Variants in FADS1 observed in about 807,000 individuals in gnomAD.
FADS1 encodes the protein acyl-CoA (8-3)-desaturase.
A neutral mutation model predicts 61.6 loss-of-function variants in FADS1; 17 were observed. The ratio of observed to expected loss-of-function variants is 0.28; its 90% CI spans 0.19 to 0.41. The LOEUF (loss-of-function observed/expected upper bound fraction) is 0.41, where lower values mean the gene tolerates loss of function less well. Ranked by LOEUF, FADS1 falls within the 10% of genes least tolerant of loss-of-function variation. The pLI is 1.00. For missense variants in FADS1, 387 were observed against 650.9 expected (o/e 0.59, Z 4.41); for synonymous variants, 238 against 258.7 (o/e 0.92, Z 0.77).
Position 61,803,039 on chromosome 11 carries a change from C to T in FADS1, c.1321G>A (p.Glu441Lys), listed in dbSNP as rs1380152202. The change falls in exon 10 of 12, where the codon GAG becomes AAG. Residue 441 changes from glutamate to lysine, a missense_variant. Glu to Lys is a moderately conservative substitution (Grantham distance 56). Transcript: ENST00000350997. The surrounding 1 kb of genome is among the most constrained non-coding windows in gnomAD (Gnocchi z 4.3). ...CCCAGGCTCCCTACTCACTGGTGCTCAATCTGGAAGTTGAGGTGTCCACTG... is the reference window on the plus strand; with the variant it reads ...CCCAGGCTCCCTACTCACTGGTGCTTAATCTGGAAGTTGAGGTGTCCACTG... Reference protein sequence around the residue: ...WFSGHLNFQIEHHLFPTMPRH... With the variant: ...WFSGHLNFQIKHHLFPTMPRH... 1 of 1,614,142 alleles carries T rather than the reference C, an allele frequency of 6.2e-7. No homozygotes were observed. The highest frequency in any genetic ancestry group is 2.2e-5 in the East Asian group (1 of 44,878).
chr11:61,813,552 C>A (rs1378201121), intron 1 of FADS1, 199 bp from the exon 2 acceptor site: 2 of 571,916 alleles, frequency 3.5e-6, no homozygotes, highest in Non-Finnish European at 6.2e-6. Context: ...ATGCACCAAT[C>A]CGTGCTCTTT....
At chr11:61,812,322 C>T in intron 3 of FADS1, 149 bp downstream of exon 3, 1 of 661,390 alleles carries the variant, frequency 1.5e-6, no homozygotes, top group Non-Finnish European at 2.7e-6. Context: ...GTCAAGACAG[C>T]AGAATGCATG....
At chr11:61,811,639 G>A (rs1445498105) in intron 3 of FADS1, among the ~76,000 whole-genome samples, 1 of 151,512 alleles carries the variant, frequency 6.6e-6, no homozygotes, top group Non-Finnish European at 1.5e-5. Context: ...GCCCAGGCTG[G>A]AGTGCAATGG....
At chr11:61,806,508 A>G in intron 6 of FADS1, 156 bp downstream of exon 6, 1 of 668,096 alleles carries the variant, frequency 1.5e-6, no homozygotes, top group East Asian at 2.7e-5. Flanking sequence ...GAGATGGCAA[A>G]CTGCTGTCAT....
At position 61,802,758 on chromosome 11, in the gene FADS1, T is replaced by C. The variant is rs2135933849; in HGVS notation, c.1454+43A>G. ...TGTCATCATTTCCATTGCCCTGCCCTCTTCCCTCCCTACTAGCCATCTTCC... is the reference window on the plus strand; with the variant it reads ...TGTCATCATTTCCATTGCCCTGCCCCCTTCCCTCCCTACTAGCCATCTTCC... On this transcript the variant is annotated intron_variant, in intron 11 of 11. Transcript: ENST00000350997. This position sits in a 1 kb window ranked among gnomAD's most constrained non-coding sequence, Gnocchi z 4.2. 6.2e-7 allele frequency: 1 copy of C among 1,613,148 alleles called. No homozygotes were observed. The highest frequency in any genetic ancestry group is 8.5e-7 in the Non-Finnish European group (1 of 1,179,734).
Position 61,803,762 on chromosome 11 carries a change from C to T in FADS1, c.1059G>A (p.Leu353=). ...GGACGTAGAAGGTAATCATCCAGGC[C>T]AAGTCCTATAGTGAGAAAAGCAGCG... The part of the protein sequence containing the change: ...FVIQRKKWVD[L]AWMITFYVRF... Residue 353 remains leucine, a synonymous_variant, in exon 8 of 12, where the codon TTG becomes TTA. Coordinates refer to ENST00000350997, the MANE Select transcript of FADS1 (RefSeq NM_013402.7). This position sits in a 1 kb window ranked among gnomAD's most constrained non-coding sequence, Gnocchi z 4.3. The T allele has an allele frequency of 6.2e-7, 1 of 1,612,934 alleles. No individual in the cohort carries two copies. Among genetic ancestry groups the T allele is most frequent in the Non-Finnish European group, 8.5e-7 (1 of 1,178,936 alleles).
At position 61,816,001 on chromosome 11, in the gene FADS1, C is replaced by A; in HGVS notation, c.375+554G>T. 1.9e-6 allele frequency: 1 copy of A among 513,568 alleles called. No individual in the cohort carries two copies. Among genetic ancestry groups the A allele is most frequent in the Non-Finnish European group, 3.5e-6 (1 of 285,342 alleles). The allele number at this position is 513,568 out of a possible 1,614,324, so 31.8% of individuals were successfully genotyped here. ...CCAGTCTTCACACGACGCAGGGGTC[C>A]CCAAGGCAGCGGTCTCCCCAAGCTT... On this transcript the variant is annotated intron_variant, in intron 1 of 11. Transcript: ENST00000350997. The surrounding 1 kb of genome is among the most constrained non-coding windows in gnomAD (Gnocchi z 7.0).
At position 61,803,342 on chromosome 11, in the gene FADS1, T is replaced by G; in HGVS notation, c.1248+21A>C. On this transcript the variant is annotated intron_variant, in intron 9 of 11. Coordinates refer to ENST00000350997, the MANE Select transcript of FADS1 (RefSeq NM_013402.7). This position sits in a 1 kb window ranked among gnomAD's most constrained non-coding sequence, Gnocchi z 4.3. ...TCAATAGTTGTGTTATGCTCCAGTC[T>G]TCTGAGTGACTGTCCCTTACCTGGG... 6.3e-7 allele frequency: 1 copy of G among 1,586,770 alleles called. No homozygotes were observed. The highest frequency in any genetic ancestry group is 1.3e-5 in the African/African-American group (1 of 74,522).
chr11:61,810,647 CCA>C, intron 5 of FADS1, 102 bp downstream of exon 5: 2 of 1,437,996 alleles, frequency 1.4e-6, no homozygotes, highest in Middle Eastern at 1.8e-4. Context: ...CAGCCCAGCC[CCA>C]GTGTCTTGCC....
rs756000554 is a variant in FADS1 at position 61,803,117 on chromosome 11, G to A, written c.1249-6C>T. On this transcript the variant is annotated splice_region_variant and splice_polypyrimidine_tract_variant and intron_variant, in intron 9 of 11. Transcript: ENST00000350997. The surrounding 1 kb of genome is among the most constrained non-coding windows in gnomAD (Gnocchi z 4.3). ...ACATTGCATGTGGCCTGGAGCTGGCGGAAAAGGTCAGGGGAGAGCATGTTG... is the reference window on the plus strand; with the variant it reads ...ACATTGCATGTGGCCTGGAGCTGGCAGAAAAGGTCAGGGGAGAGCATGTTG... The A allele has an allele frequency of 1.5e-5, 25 of 1,613,892 alleles. No individual in the cohort carries two copies. The highest frequency in any genetic ancestry group is 1.3e-4 in the Admixed American group (8 of 60,004).
chr11:61,813,360 G>T lies in FADS1; in HGVS notation c.376-7C>A. The T allele has an allele frequency of 3.2e-6, 5 of 1,563,262 alleles. No individual in the cohort carries two copies. Among genetic ancestry groups the T allele is most frequent in the Non-Finnish European group, 4.4e-6 (5 of 1,135,712 alleles). ...GGAAGGCCACAAAGGGATCCTGCAA[G>T]TGCCGGGAGAAGATGAAAGGTGAGG... is the stretch of plus-strand genomic sequence containing the variant. On this transcript the variant is annotated splice_polypyrimidine_tract_variant and splice_region_variant and intron_variant, in intron 1 of 11. Coordinates refer to ENST00000350997, the MANE Select transcript of FADS1 (RefSeq NM_013402.7).
intron 5 of FADS1, among the ~76,000 whole-genome samples, chr11:61,808,963 C>A (rs1157422410): frequency 3.9e-5 from 6 of 152,312 alleles, no homozygotes; most frequent in African/African-American, 1.2e-4. Context: ...GATTGCTGTA[C>A]CCACCAGAAA....
At chr11:61,806,764 T>C (rs764057794) in intron 5 of FADS1, 40 bp from the exon 6 acceptor site, 1 of 1,580,636 alleles carries the variant, frequency 6.3e-7, no homozygotes, top group African/African-American at 1.3e-5. Flanking sequence ...CGGAGACCAG[T>C]GATTCCTCCC....
intron 5 of FADS1, among the ~76,000 whole-genome samples, chr11:61,808,785 C>T (rs929150832): frequency 2.0e-5 from 3 of 152,240 alleles, no homozygotes; most frequent in African/African-American, 7.2e-5. Context: ...GCGTTGCTTA[C>T]ACTGCCTCCA....
At chr11:61,809,427 C>T (rs960429355) in intron 5 of FADS1, among the ~76,000 whole-genome samples, 11 of 152,176 alleles carry the variant, frequency 7.2e-5, no homozygotes, top group African/African-American at 2.4e-4. Context: ...CTGCAGCCTT[C>T]ACCTCCTGGG....
At chr11:61,808,171 A>G (rs1360150035) in intron 5 of FADS1, among the ~76,000 whole-genome samples, 1 of 152,156 alleles carries the variant, frequency 6.6e-6, no homozygotes, top group African/African-American at 2.4e-5. Context: ...CCACGTCCCT[A>G]CTAAAAGCAC....
Position 61,816,706 on chromosome 11 carries a change from C to T in FADS1, c.224G>A (p.Arg75His). The T allele has an allele frequency of 1.3e-6, 2 of 1,577,416 alleles. No homozygotes were observed. Among genetic ancestry groups the T allele is most frequent in the Non-Finnish European group, 1.7e-6 (2 of 1,162,188 alleles). The change falls in exon 1 of 12, where the codon CGC (arginine) becomes CAC (histidine). Residue 75 changes from arginine (R) to histidine (H), a missense_variant. This residue lies in a region of FADS1 where 257 missense variants were observed against 533.3 expected (regional missense o/e 0.48). Coordinates refer to ENST00000350997, the MANE Select transcript of FADS1 (RefSeq NM_013402.7). This position sits in a 1 kb window ranked among gnomAD's most constrained non-coding sequence, Gnocchi z 7.0. ...GGCCACCTCGTCCCAGGTGAAGTAG[C>T]GCGGGGTAGGTCCCTGAGCCGCGGT... is the stretch of plus-strand genomic sequence containing the variant. ...AETAAQGPTP[R>H]YFTWDEVAQR...
rs2066851043 is a variant in FADS1, at chr11:61,800,752, A to C, written c.*1659T>G. 6.6e-6 allele frequency: 1 copy of C among 152,410 alleles called. No individual in the cohort carries two copies. Among genetic ancestry groups the C allele is most frequent in the African/African-American group, 2.4e-5 (1 of 41,438 alleles). The allele number at this position is 152,410 out of a possible 1,614,324, so 9.4% of individuals were successfully genotyped here. On this transcript the variant is annotated 3_prime_UTR_variant, in exon 12 of 12. Transcript: ENST00000350997. ...ATATGCCTAGAGTAGATGCTGCTGAAGAGGCAAAGTAGTAATCCTGCCACC... is the reference window on the plus strand; with the variant it reads ...ATATGCCTAGAGTAGATGCTGCTGACGAGGCAAAGTAGTAATCCTGCCACC...
chr11:61,806,311 C>T (rs923296946), intron 6 of FADS1: 8 of 197,866 alleles, frequency 4.0e-5, no homozygotes, highest in Admixed American at 1.6e-4. Flanking sequence ...CACTGCAGTC[C>T]GCAGTCCGGC....
Sources: gnomAD v4.1 joint callset for allele counts (sites outside exome capture counted in the v4.1 genomes callset) on GRCh38, gnomAD v4.1.1 for gene constraint, gnomAD v4.1.1 regional missense constraint, Gnocchi (gnomAD v3.1) non-coding constraint, MANE v1.5 for transcripts, NCBI Gene and HGNC (gene_info 2026-07-23, HGNC 2026-07-21) for gene names.